ZCRB1: variants seen among roughly 807,000 people sequenced by gnomAD.
ZCRB1 encodes the protein zinc finger CCHC-type and RNA-binding motif-containing protein 1.
Under a neutral mutation model 29.9 loss-of-function variants are expected in ZCRB1, and 21 were observed. That is an observed-to-expected ratio of 0.70 (90% CI 0.50 to 1.01). The LOEUF (loss-of-function observed/expected upper bound fraction) is 1.01, where lower values mean the gene tolerates loss of function less well. ZCRB1 is among the 50% of genes least tolerant of loss of function. The probability of loss-of-function intolerance (pLI) is 0.00; values close to 1 mark genes in which losing one functional copy is unlikely to be tolerated. For synonymous variants in ZCRB1, 77 were observed against 80.0 expected, an observed-to-expected ratio of 0.96 and a Z score of 0.20; for missense variants, 204 against 253.3, an observed-to-expected ratio of 0.81 and a Z score of 1.32.
chr12:42,315,434 TAAAG>T (rs919183841), intron 5 of ZCRB1, among the ~76,000 whole-genome samples: 1 of 152,126 alleles, frequency 6.6e-6, no homozygotes, highest in African/African-American at 2.4e-5. Flanking sequence ...TAGCCCAACT[TAAAG>T]AGGTTACTTA....
chr12:42,322,391 G>C, intron 3 of ZCRB1, 27 bp downstream of exon 3: 1 of 1,444,452 alleles, frequency 6.9e-7, no homozygotes, highest in Middle Eastern at 1.8e-4. Context: ...TTTAAATGAA[G>C]TTACAAAATT....
intron 2 of ZCRB1, 108 bp downstream of exon 2, chr12:42,323,911 T>C (rs1284253870): frequency 3.8e-6 from 4 of 1,041,662 alleles, no homozygotes; most frequent in Admixed American, 2.1e-5. Flanking sequence ...AATTAGACTG[T>C]CTCAAAAAAA....
chr12:42,323,789 T>C, intron 2 of ZCRB1: 1 of 534,232 alleles, frequency 1.9e-6, no homozygotes, highest in Non-Finnish European at 3.4e-6. Flanking sequence ...GGCACACACC[T>C]GTATTCCCAG....
intron 5 of ZCRB1, among the ~76,000 whole-genome samples, chr12:42,316,085 A>G (rs1417294252): frequency 6.6e-6 from 1 of 151,612 alleles, no homozygotes; most frequent in African/African-American, 2.4e-5. Flanking sequence ...TTTTTTAAGT[A>G]TTTTATTTTA....
At position 42,326,089 on chromosome 12, in the gene ZCRB1, CTGTT is replaced by C. The variant is rs2068724883; in HGVS notation, c.-172_-169del. On this transcript the variant is annotated 5_prime_UTR_variant, in exon 1 of 8. Transcript: ENST00000266529. ...TAGCAGCCACGGTGCTTCTTCCCGA[CTGTT>C]TGAGATCCGGGCCCCGAAGGCGGGC... is the stretch of plus-strand genomic sequence containing the variant. 2 of 152,284 alleles carry C rather than the reference CTGTT, an allele frequency of 1.3e-5. No individual in the cohort carries two copies. 9.4% of individuals were successfully genotyped at this position (152,284 alleles called of 1,614,324 possible). A position where few individuals can be genotyped will look rare whatever the true frequency, so the allele number is the denominator to read the frequency against.
intron 3 of ZCRB1, among the ~76,000 whole-genome samples, chr12:42,322,196 T>C (rs1055776246): frequency 6.6e-6 from 1 of 151,542 alleles, no homozygotes; most frequent in Non-Finnish European, 1.5e-5. Context: ...TATGTCAAAT[T>C]AAAAAAGAAA....
intron 3 of ZCRB1, among the ~76,000 whole-genome samples, chr12:42,318,631 A>T (rs537210887): frequency 2.0e-5 from 3 of 152,322 alleles, no homozygotes; most frequent in East Asian, 1.9e-4. Context: ...AACATAGTTT[A>T]AAAACAATGT....
intron 3 of ZCRB1, among the ~76,000 whole-genome samples, chr12:42,319,959 T>G (rs896947628): frequency 2.6e-5 from 4 of 152,164 alleles, no homozygotes; most frequent in African/African-American, 9.7e-5. Flanking sequence ...AGGAGAAATC[T>G]TACAGTTTAG....
At chr12:42,313,491 G>A (rs1161212188) in intron 7 of ZCRB1, among the ~76,000 whole-genome samples, 199 bp downstream of exon 7, 2 of 152,050 alleles carry the variant, frequency 1.3e-5, no homozygotes, top group African/African-American at 4.8e-5. Flanking sequence ...AAGTGTTGTG[G>A]GGCCCTTAAA....
At chr12:42,321,514 T>C (rs1043626016) in intron 3 of ZCRB1, among the ~76,000 whole-genome samples, 1 of 152,240 alleles carries the variant, frequency 6.6e-6, no homozygotes, top group Non-Finnish European at 1.5e-5. Context: ...AAGTATCACA[T>C]ACCATCATCA....
chr12:42,315,198 T>G (rs2068589123), intron 5 of ZCRB1, among the ~76,000 whole-genome samples: 1 of 152,204 alleles, frequency 6.6e-6, no homozygotes, highest in African/African-American at 2.4e-5. Flanking sequence ...CATTTGACAA[T>G]GCTGGACTAG....
At chr12:42,315,965 G>A (rs2068592685) in intron 5 of ZCRB1, among the ~76,000 whole-genome samples, 1 of 152,108 alleles carries the variant, frequency 6.6e-6, no homozygotes, top group Middle Eastern at 3.4e-3. Context: ...AGTGACAGTG[G>A]GGTAGAGGAC....
chr12:42,318,006 A>G (rs1362995674), intron 3 of ZCRB1, 108 bp from the exon 4 acceptor site: 1 of 818,530 alleles, frequency 1.2e-6, no homozygotes, highest in African/African-American at 1.7e-5. Flanking sequence ...AGATAAATTA[A>G]TACATTTGAA....
chr12:42,322,455 A>C lies in ZCRB1; in HGVS notation c.85-9T>G. 6.7e-7 allele frequency: 1 copy of C among 1,488,210 alleles called. No homozygotes were observed. Among genetic ancestry groups the C allele is most frequent in the Non-Finnish European group, 9.1e-7 (1 of 1,103,170 alleles). 92.2% of individuals were successfully genotyped at this position (1,488,210 alleles called of 1,614,324 possible). A position where few individuals can be genotyped will look rare whatever the true frequency, so the allele number is the denominator to read the frequency against. On this transcript the variant is annotated splice_polypyrimidine_tract_variant and intron_variant, in intron 2 of 7. Transcript: ENST00000266529. ...CCATACTTGGAAAATATCTGAAACA[A>C]AAGACCAAATATTTACAATTTATTT...
intron 2 of ZCRB1, 152 bp downstream of exon 2, chr12:42,323,867 G>T (rs1271843529): frequency 1.5e-6 from 1 of 650,580 alleles, no homozygotes. Context: ...CCATGATAGT[G>T]CCACTGCACT....
rs1359236535 is a variant in ZCRB1, at chr12:42,317,873, T to C, written c.139A>G (p.Thr47Ala). 3.1e-6 allele frequency: 5 copies of C among 1,613,672 alleles called. No individual in the cohort carries two copies. Among genetic ancestry groups the C allele is most frequent in the African/African-American group, 1.3e-5 (1 of 74,920 alleles). The change falls in exon 4 of 8, where the codon ACC (threonine) becomes GCC (alanine). Residue 47 changes from threonine to alanine, a missense_variant. Thr to Ala is a moderately conservative substitution (Grantham distance 58). Transcript: ENST00000266529. ...VKVTIMKDKD[T>A]RKSKGVAFIL... Reference sequence around the variant, plus strand: ...AATGCAACCCCTTTACTCTTCCTGGTATCTTTATCTTTCATGATGGTAACC... The same window carrying C: ...AATGCAACCCCTTTACTCTTCCTGGCATCTTTATCTTTCATGATGGTAACC...
intron 2 of ZCRB1, among the ~76,000 whole-genome samples, chr12:42,323,210 A>G (rs2068630054): frequency 6.6e-6 from 1 of 152,198 alleles, no homozygotes; most frequent in Admixed American, 6.5e-5. Context: ...ATGTAAAATA[A>G]CTGGATAGCA....
intron 5 of ZCRB1, among the ~76,000 whole-genome samples, chr12:42,316,553 C>T (rs528922555): frequency 1.1e-4 from 17 of 152,040 alleles, no homozygotes; most frequent in Non-Finnish European, 1.6e-4. Context: ...AATGACAGAT[C>T]ATGAAGAGAA....
chr12:42,316,823 G>A (rs1349211665), intron 5 of ZCRB1, among the ~76,000 whole-genome samples: 2 of 152,118 alleles, frequency 1.3e-5, no homozygotes, highest in African/African-American at 4.8e-5. Flanking sequence ...AAAGATTTAG[G>A]AACTAGAGAA....
Sources: gnomAD v4.1 joint callset for allele counts (sites outside exome capture counted in the v4.1 genomes callset) on GRCh38, gnomAD v4.1.1 for gene constraint, MANE v1.5 for transcripts, NCBI Gene and HGNC (gene_info 2026-07-23, HGNC 2026-07-21) for gene names.